The following AHDC1 variants were observed in gnomAD, a reference collection of about 807,000 sequenced individuals.
AHDC1 encodes transcription factor Gibbin.
AHDC1 carries 7 observed loss-of-function variants against 87.9 expected under a neutral mutation model. The ratio of observed to expected loss-of-function variants is 0.08; its 90% confidence interval spans 0.05 to 0.15. The LOEUF (loss-of-function observed/expected upper bound fraction) is 0.15, where lower values mean the gene tolerates loss of function less well. Among genes scored for constraint, AHDC1 ranks in the 10% least tolerant of loss-of-function variants. The pLI is 1.00. For synonymous variants in AHDC1, 1,051 were observed against 1,006.8 expected (o/e 1.04, Z -0.83); for missense variants, 1,841 against 2,253.2 (o/e 0.82, Z 3.70).
At position 27,551,096 on chromosome 1, in the gene AHDC1, C is replaced by T. The variant is rs754367569; in HGVS notation, c.1020G>A (p.Leu340=). ...CCAGACGGCGACCTGGGACGTCAAG[C>T]AGCTTGGGCAGGGGGTCGAGTGCCT... ...DPQALDPLPK[L]LDVPGRRLEP... is the part of the protein sequence containing the mutation. The change falls in exon 8 of 9, where the codon CTG becomes CTA. Residue 340 remains leucine, a synonymous_variant. Coordinates refer to ENST00000673934, the MANE Select transcript of AHDC1 (RefSeq NM_001371928.1). The T allele has an allele frequency of 1.9e-6, 3 of 1,571,248 alleles. No individual in the cohort carries two copies. The highest frequency in any genetic ancestry group is 2.6e-6 in the Non-Finnish European group (3 of 1,158,668).
chr1:27,545,388 G>T (rs984132489), intron 8 of AHDC1, among the ~76,000 whole-genome samples: 13 of 151,920 alleles, frequency 8.6e-5, no homozygotes, highest in African/African-American at 3.1e-4. Flanking sequence ...TGGGGAGCAG[G>T]GCCAGAATGT....
chr1:27,551,541 C>T lies in AHDC1; in HGVS notation c.575G>A (p.Arg192Gln), dbSNP rs752497243. The stretch of plus-strand genomic sequence containing the variant: ...AGGCTCGTAGAGGGGATGGCTGGGC[C>T]GCTCCGACTTGGCGTGTGGGGTGGC... ...ERATPHAKSE[R>Q]PSHPLYEPEP... Residue 192 changes from arginine (R) to glutamine (Q), a missense_variant, in exon 8 of 9, where the codon CGG becomes CAG. Arg to Gln is a conservative substitution (Grantham distance 43). Coordinates refer to ENST00000673934, the MANE Select transcript of AHDC1 (RefSeq NM_001371928.1). 1.2e-5 allele frequency: 20 copies of T among 1,605,306 alleles called. No individual in the cohort carries two copies. The highest frequency in any genetic ancestry group is 1.1e-4 in the East Asian group (5 of 44,730).
At chr1:27,567,382 CGGGGGGCCGGGA>C (rs886259988) in intron 3 of AHDC1, among the ~76,000 whole-genome samples, 2 of 151,844 alleles carry the variant, frequency 1.3e-5, no homozygotes, top group Non-Finnish European at 2.9e-5. Flanking sequence ...AAGCGGCCGT[CGGGGGGCCGGGA>C]GGGGGGCTGA....
At chr1:27,571,610 A>AG (rs908845861) in intron 3 of AHDC1, among the ~76,000 whole-genome samples, 30 of 151,080 alleles carry the variant, frequency 2.0e-4, no homozygotes, top group Admixed American at 5.9e-4. Context: ...CCAGCCAAGG[A>AG]GGGGGGGGTG....
rs1320197160 is a variant in AHDC1 at position 27,561,401 on chromosome 1, C to T, written c.-628-2518G>A. On this transcript the variant is annotated intron_variant, in intron 3 of 8. Transcript: ENST00000673934. This position sits in a 1 kb window ranked among gnomAD's most constrained non-coding sequence, Gnocchi z 4.2. ...TAGCCCCTCCACAACCTGATACTCC[C>T]CAGCAGATAAACGTCAGGCCCCCAC... 6.6e-6 allele frequency among the ~76,000 whole-genome samples: 1 copy of T among 152,158 alleles called. No individual in the cohort carries two copies.
rs2019384213 is a variant in AHDC1 at position 27,549,326 on chromosome 1, C to A, written c.2790G>T (p.Gly930=). Residue 930 remains glycine (G), a synonymous_variant, in exon 8 of 9, where the codon GGG becomes GGT. Coordinates refer to ENST00000673934, the MANE Select transcript of AHDC1 (RefSeq NM_001371928.1). ...GGCAGTCTGAAGCGGCTGGAGTTAGCCCATAGCTTGCTGCTCGTCCTGGTG... is the reference window on the plus strand; with the variant it reads ...GGCAGTCTGAAGCGGCTGGAGTTAGACCATAGCTTGCTGCTCGTCCTGGTG... ...TFPPGRAASY[G]LTPAASDCRA... The A allele has an allele frequency of 1.2e-6, 2 of 1,610,482 alleles. No homozygotes were observed. The highest frequency in any genetic ancestry group is 2.7e-5 in the African/African-American group (2 of 74,864).
At chr1:27,584,971 G>A (rs2089009852) in intron 3 of AHDC1, among the ~76,000 whole-genome samples, 1 of 152,032 alleles carries the variant, frequency 6.6e-6, no homozygotes, top group Non-Finnish European at 1.5e-5. Context: ...TCAGGAGTTC[G>A]AGACCAGCCC....
Position 27,558,790 on chromosome 1 carries a change from G to C in AHDC1, c.-535C>G, listed in dbSNP as rs2019938903. On this transcript the variant is annotated 5_prime_UTR_variant, in exon 4 of 9. Transcript: ENST00000673934. The surrounding 1 kb of genome is among the most constrained non-coding windows in gnomAD (Gnocchi z 5.6). ...TCCAGGGTGGTCTCTGCAACGGCCT[G>C]AGCGTCGCCCCGCACTCGGGGCCCT... The C allele has an allele frequency of 2.5e-6, 1 of 398,656 alleles. No homozygotes were observed. The highest frequency in any genetic ancestry group is 4.4e-6 in the Non-Finnish European group (1 of 226,102). The allele number at this position is 398,656 out of a possible 1,614,324, so 24.7% of individuals were successfully genotyped here.
intron 8 of AHDC1, among the ~76,000 whole-genome samples, chr1:27,540,690 C>CG (rs2148212195): frequency 6.6e-6 from 1 of 152,184 alleles, no homozygotes; most frequent in Admixed American, 6.5e-5. Flanking sequence ...AGCAAAAGCA[C>CG]GGGGCACCTT....
At chr1:27,538,411 A>C (rs1400231081) in intron 8 of AHDC1, among the ~76,000 whole-genome samples, 1 of 149,404 alleles carries the variant, frequency 6.7e-6, no homozygotes, top group Non-Finnish European at 1.5e-5. Context: ...AAAAAAAAAA[A>C]AAAAAAACCA....
intron 3 of AHDC1, among the ~76,000 whole-genome samples, chr1:27,588,311 T>C (rs2089119938): frequency 1.4e-5 from 2 of 144,004 alleles, no homozygotes; most frequent in Admixed American, 6.7e-5. Context: ...AGGCAACAAA[T>C]AGGCTGGTCA....
rs1288373378 is a variant in AHDC1, at chr1:27,603,789, G to A, written c.-788C>T. The A allele has an allele frequency of 4.6e-5, 6 of 131,464 alleles. No homozygotes were observed. In the East Asian group the frequency reaches 1.3e-3, roughly 28 times the overall value. 8.1% of individuals were successfully genotyped at this position (131,464 alleles called of 1,614,324 possible). On this transcript the variant is annotated 5_prime_UTR_variant, in exon 2 of 9. Coordinates refer to ENST00000673934, the MANE Select transcript of AHDC1 (RefSeq NM_001371928.1). ...CTCCTCCTCCGCCCTCCTCCCTCCC[G>A]CTCTCTCTGGCTGTCTGTCTGTCTC...
At chr1:27,556,941 C>T (rs2148324367) in intron 5 of AHDC1, among the ~76,000 whole-genome samples, 1 of 152,122 alleles carries the variant, frequency 6.6e-6, no homozygotes, top group South Asian at 2.1e-4. Flanking sequence ...CCACTGATGC[C>T]CCCAAGGGGA....
intron 8 of AHDC1, among the ~76,000 whole-genome samples, chr1:27,541,628 GTT>G (rs1315812535): frequency 1.3e-4 from 15 of 118,024 alleles, no homozygotes; most frequent in Non-Finnish European, 1.4e-4. Context: ...CCATGTGGAG[GTT>G]TTTTTTTTTT....
intron 7 of AHDC1, 188 bp from the exon 8 acceptor site, chr1:27,552,377 A>T: frequency 2.4e-6 from 1 of 421,752 alleles, no homozygotes; most frequent in Non-Finnish European, 3.9e-6. Flanking sequence ...GTGTATAGTG[A>T]GCCCCTCATG....
At chr1:27,541,932 G>A (rs2018942811) in intron 8 of AHDC1, among the ~76,000 whole-genome samples, 1 of 152,208 alleles carries the variant, frequency 6.6e-6, no homozygotes, top group Non-Finnish European at 1.5e-5. Flanking sequence ...GCCTGGCAAG[G>A]AGGTTTTAAA....
At chr1:27,587,280 A>G (rs2089086037) in intron 3 of AHDC1, among the ~76,000 whole-genome samples, 1 of 152,176 alleles carries the variant, frequency 6.6e-6, no homozygotes, top group South Asian at 2.1e-4. Context: ...ATTCCATGTC[A>G]CACTACAACA....
At chr1:27,581,644 TC>T (rs534721923) in intron 3 of AHDC1, among the ~76,000 whole-genome samples, 29 of 152,240 alleles carry the variant, frequency 1.9e-4, no homozygotes, top group African/African-American at 6.7e-4. Context: ...CCTGGTGGGC[TC>T]CCCCACCTCC....
At chr1:27,603,071 G>T (rs1185033934) in intron 3 of AHDC1, among the ~76,000 whole-genome samples, 1 of 150,918 alleles carries the variant, frequency 6.6e-6, no homozygotes, top group Admixed American at 6.6e-5. Flanking sequence ...GGAGGAGGGG[G>T]CGCGCGGCAG....
Sources: gnomAD v4.1 joint callset for allele counts (sites outside exome capture counted in the v4.1 genomes callset) on GRCh38, gnomAD v4.1.1 for gene constraint, Gnocchi (gnomAD v3.1) non-coding constraint, MANE v1.5 for transcripts, NCBI Gene and HGNC (gene_info 2026-07-23, HGNC 2026-07-21) for gene names.